Variants in TBC1D1 observed in about 807,000 individuals in gnomAD.
The protein encoded by TBC1D1 is TBC1 (tre-2/USP6, BUB2, cdc16) domain family, member 1.
TBC1D1 carries 89 observed loss-of-function variants against 125.6 expected under a neutral mutation model. The ratio of observed to expected loss-of-function variants is 0.71; its 90% CI spans 0.60 to 0.85. TBC1D1 has a LOEUF of 0.85. Among genes scored for constraint, TBC1D1 ranks in the 40% least tolerant of loss-of-function variants. The pLI, the probability that TBC1D1 is intolerant of heterozygous loss-of-function variation, is 0.00. For synonymous variants in TBC1D1, 565 were observed against 564.1 expected (o/e 1.00, Z -0.02); for missense variants, 1,377 against 1,469.2 (o/e 0.94, Z 1.03).
chr4:38,086,491 C>A (rs1027921148), intron 12 of TBC1D1, among the ~76,000 whole-genome samples: 1 of 152,170 alleles, frequency 6.6e-6, no homozygotes, highest in Admixed American at 6.5e-5. Context: ...ATTTGCTGAC[C>A]TTTACAGTGG....
chr4:38,095,899 A>C (rs1759243402), intron 13 of TBC1D1, 30 bp from the exon 16 acceptor site: 2 of 1,585,756 alleles, frequency 1.3e-6, no homozygotes, highest in South Asian at 1.1e-5. Flanking sequence ...TGTAGCCTTT[A>C]CTAATGCGCT....
intron 12 of TBC1D1, among the ~76,000 whole-genome samples, chr4:38,064,625 T>G (rs1387935334): frequency 2.2e-5 from 3 of 138,378 alleles, no homozygotes; most frequent in Non-Finnish European, 4.8e-5. Context: ...GAGCTACATT[T>G]CTTTTTTTTT....
intron 19 of TBC1D1, 67 bp from the exon 22 acceptor site, chr4:38,137,068 G>A: frequency 6.2e-7 from 1 of 1,607,112 alleles, no homozygotes; most frequent in Non-Finnish European, 8.5e-7. Flanking sequence ...TGGACAGCGT[G>A]TGGGCACTGG....
chr4:38,104,642 G>T (rs1057354590), intron 15 of TBC1D1, among the ~76,000 whole-genome samples: 4 of 152,168 alleles, frequency 2.6e-5, no homozygotes, highest in African/African-American at 9.7e-5. Context: ...GATTGTTCCT[G>T]CAGCCACGAC....
intron 12 of TBC1D1, among the ~76,000 whole-genome samples, chr4:38,058,125 C>T (rs1752078061): frequency 6.6e-6 from 1 of 152,220 alleles, no homozygotes; most frequent in African/African-American, 2.4e-5. Flanking sequence ...CTCCTCCGCC[C>T]CCTTCCATCC....
chr4:37,951,107 C>T (rs532456771), intron 2 of TBC1D1, among the ~76,000 whole-genome samples: 275 of 152,252 alleles, frequency 1.8e-3, no homozygotes, highest in Non-Finnish European at 3.0e-3. Flanking sequence ...ATATAAATAG[C>T]TGAACAATAC....
chr4:37,944,710 C>T (rs1015713079), intron 2 of TBC1D1, among the ~76,000 whole-genome samples: 17 of 152,140 alleles, frequency 1.1e-4, no homozygotes, highest in Admixed American at 1.1e-3. Flanking sequence ...TGGGAGTGAC[C>T]CGATTTTCCA....
At chr4:38,019,408 T>A (rs1413503330) in intron 4 of TBC1D1, among the ~76,000 whole-genome samples, 1 of 152,166 alleles carries the variant, frequency 6.6e-6, no homozygotes. Context: ...GAAGATTAAT[T>A]GAGATGGCAA....
At chr4:38,073,370 C>T (rs1160710040) in intron 12 of TBC1D1, among the ~76,000 whole-genome samples, 5 of 152,200 alleles carry the variant, frequency 3.3e-5, no homozygotes, top group Non-Finnish European at 5.9e-5. Flanking sequence ...AGTATCCCTC[C>T]TTTGGAGTGG....
Position 38,014,370 on chromosome 4 carries a change from C to T in TBC1D1, c.418-139C>T, listed in dbSNP as rs1742159715. ...GACATTCCTAGTCCCCTCCCGTGGG[C>T]TCCTCCTCCAGTGGGCTCCTCCTCC... On this transcript the variant is annotated intron_variant, in intron 2 of 19. Coordinates refer to ENST00000261439, the MANE Select transcript of TBC1D1 (RefSeq NM_015173.4). This position sits in a 1 kb window ranked among gnomAD's most constrained non-coding sequence, Gnocchi z 5.1. 1.4e-6 allele frequency: 1 copy of T among 737,866 alleles called. No individual in the cohort carries two copies. The allele number at this position is 737,866 out of a possible 1,614,324, so 45.7% of individuals were successfully genotyped here.
chr4:38,130,978 G>T (rs904592393), intron 18 of TBC1D1, among the ~76,000 whole-genome samples: 11 of 152,166 alleles, frequency 7.2e-5, no homozygotes, highest in African/African-American at 2.7e-4. Context: ...TAGCCCAAGG[G>T]CTGAAGCCCT....
At chr4:37,963,962 CTG>C (rs1476175804) in intron 2 of TBC1D1, among the ~76,000 whole-genome samples, 2 of 152,192 alleles carry the variant, frequency 1.3e-5, no homozygotes, top group Admixed American at 6.5e-5. Flanking sequence ...GGGGCCCTCT[CTG>C]TAGCTTTCAT....
At position 37,936,522 on chromosome 4, in the gene TBC1D1, A is replaced by C. The variant is rs114340921; in HGVS notation, c.417+34010A>C. Among the ~76,000 whole-genome samples the C allele has an allele frequency of 6.6e-3, 1,007 of 152,284 alleles. 14 individuals carry two copies. Among genetic ancestry groups the C allele is most frequent in the African/African-American group, 0.023 (946 of 41,556 alleles). On this transcript the variant is annotated intron_variant, in intron 2 of 19. Transcript: ENST00000261439. ...GAGTGCCTGGAATAGTCTAGGGGCTATTGGATGGAATGATGATGAATGACC... is the reference window on the plus strand; with the variant it reads ...GAGTGCCTGGAATAGTCTAGGGGCTCTTGGATGGAATGATGATGAATGACC...
intron 2 of TBC1D1, among the ~76,000 whole-genome samples, chr4:37,953,217 A>G (rs183251951): frequency 7.9e-4 from 121 of 152,372 alleles, no homozygotes; most frequent in Non-Finnish European, 1.0e-3. Context: ...TAATTAATGG[A>G]ATAGAACCAG....
At chr4:38,072,164 A>G (rs958719778) in intron 12 of TBC1D1, among the ~76,000 whole-genome samples, 1 of 152,260 alleles carries the variant, frequency 6.6e-6, no homozygotes, top group Non-Finnish European at 1.5e-5. Flanking sequence ...ATTAGGCACA[A>G]GTGCAAGCCC....
Position 37,998,882 on chromosome 4 carries a change from C to G in TBC1D1, c.418-15627C>G, listed in dbSNP as rs1222265279. Among the ~76,000 whole-genome samples, 3 of 152,144 alleles carry G rather than the reference C, an allele frequency of 2.0e-5. No individual in the cohort carries two copies. In the East Asian group the frequency reaches 5.8e-4, roughly 29 times the overall value. On this transcript the variant is annotated intron_variant, in intron 2 of 19. Transcript: ENST00000261439. ...AAGGTGTCAGAAATTTACGTTCCTC[C>G]ATGTGTATTTGATTATATAAAATAC...
At chr4:37,937,142 C>T (rs1724558159) in intron 2 of TBC1D1, among the ~76,000 whole-genome samples, 1 of 152,200 alleles carries the variant, frequency 6.6e-6, no homozygotes, top group African/African-American at 2.4e-5. Context: ...CACCACTGCC[C>T]TCCTTGTGAG....
Position 37,995,079 on chromosome 4 carries a change from T to C in TBC1D1, c.418-19430T>C, listed in dbSNP as rs767809627. On this transcript the variant is annotated intron_variant, in intron 2 of 19. Coordinates refer to ENST00000261439, the MANE Select transcript of TBC1D1 (RefSeq NM_015173.4). This position sits in a 1 kb window ranked among gnomAD's most constrained non-coding sequence, Gnocchi z 4.3. Reference sequence around the variant, plus strand: ...TATTAGCCAATTTATTTTTGTAGAATAGTAGAATTTGGAACTAGAAGTGAT... The same window carrying C: ...TATTAGCCAATTTATTTTTGTAGAACAGTAGAATTTGGAACTAGAAGTGAT... Among the ~76,000 whole-genome samples the C allele has an allele frequency of 3.8e-4, 58 of 152,216 alleles. 1 individual carries two copies. Among genetic ancestry groups the C allele is most frequent in the Non-Finnish European group, 2.8e-4 (19 of 68,036 alleles).
intron 15 of TBC1D1, among the ~76,000 whole-genome samples, chr4:38,106,335 G>T (rs1761292641): frequency 6.6e-6 from 1 of 152,198 alleles, no homozygotes; most frequent in Non-Finnish European, 1.5e-5. Flanking sequence ...GACAGGAACT[G>T]AACCCACTGT....
Sources: gnomAD v4.1 joint callset for allele counts (sites outside exome capture counted in the v4.1 genomes callset) on GRCh38, gnomAD v4.1.1 for gene constraint, Gnocchi (gnomAD v3.1) non-coding constraint, MANE v1.5 for transcripts, NCBI Gene and HGNC (gene_info 2026-07-23, HGNC 2026-07-21) for gene names.